Variants in NLRP9 observed in about 807,000 individuals in gnomAD.
NLRP9 encodes the protein NACHT, LRR and PYD domains-containing protein 9.
In NLRP9, 88 loss-of-function variants were observed where a neutral mutation model predicts 83.1. The observed-to-expected ratio is 1.06, with a 90% CI of 0.89 to 1.26. NLRP9 has a LOEUF of 1.26. Among genes scored for constraint, NLRP9 ranks in the 50% most tolerant of loss-of-function variants. The pLI, the probability that NLRP9 is intolerant of heterozygous loss-of-function variation, is 0.00. For missense variants in NLRP9, 1,308 were observed against 1,179.3 expected, an observed-to-expected ratio of 1.11 and a Z score of -1.60; for synonymous variants, 521 against 447.6, an observed-to-expected ratio of 1.16 and a Z score of -2.07.
At chr19:55,725,269 T>C (rs1046772783) in intron 3 of NLRP9, among the ~76,000 whole-genome samples, 5 of 152,214 alleles carry the variant, frequency 3.3e-5, no homozygotes, top group African/African-American at 1.2e-4. Context: ...AAAATTTATG[T>C]ATAAACCATA....
In NLRP9 at chr19:55,738,254, G is replaced by C. The variant is rs758569354; in HGVS notation, c.121C>G (p.Pro41Ala). Reference sequence around the variant, plus strand: ...TTCTTCAGCTCAGCCCAGGGGATTGGCTTGAGTTCAAATTTCTCCAAAGGT... The same window carrying C: ...TTCTTCAGCTCAGCCCAGGGGATTGCCTTGAGTTCAAATTTCTCCAAAGGT... The part of the protein sequence containing the change: ...KQPLEKFELK[P>A]IPWAELKKAS... The change falls in exon 1 of 9, where the codon CCA becomes GCA. Residue 41 changes from proline (P) to alanine (A), a missense_variant. By Grantham distance (27) the Pro-to-Ala change is conservative. Coordinates refer to ENST00000332836, the MANE Select transcript of NLRP9 (RefSeq NM_176820.4). 4 of 1,614,068 alleles carry C rather than the reference G, an allele frequency of 2.5e-6. No homozygotes were observed. Among genetic ancestry groups the C allele is most frequent in the Non-Finnish European group, 3.4e-6 (4 of 1,180,014 alleles).
intron 4 of NLRP9, among the ~76,000 whole-genome samples, chr19:55,723,087 T>C (rs1031361920): frequency 1.8e-4 from 27 of 152,082 alleles, no homozygotes; most frequent in Non-Finnish European, 1.5e-4. Flanking sequence ...ATGGCACATG[T>C]ATACCTATGT....
intron 1 of NLRP9, among the ~76,000 whole-genome samples, chr19:55,737,852 T>G (rs571881540): frequency 2.0e-5 from 3 of 151,110 alleles, no homozygotes; most frequent in Admixed American, 2.0e-4. Context: ...ACGACTCCAC[T>G]TGGGGTGGAA....
chr19:55,709,948 G>A (rs1446330289), intron 8 of NLRP9: 1 of 152,074 alleles, frequency 6.6e-6, no homozygotes, highest in Admixed American at 6.6e-5. Flanking sequence ...CTTCCTTCTT[G>A]CCAGGTGTTC....
intron 2 of NLRP9, 143 bp from the exon 3 acceptor site, chr19:55,730,135 G>T (rs1265402393): frequency 1.5e-6 from 1 of 688,476 alleles, no homozygotes; most frequent in East Asian, 2.7e-5. Flanking sequence ...CCAGGTAAAC[G>T]GAGCCAACAT....
At chr19:55,731,593 G>A (rs868793547) in intron 2 of NLRP9, among the ~76,000 whole-genome samples, 6 of 151,664 alleles carry the variant, frequency 4.0e-5, no homozygotes, top group East Asian at 1.9e-4. Flanking sequence ...GCGTGGTGGC[G>A]GGCACCTGTA....
chr19:55,724,878 C>T (rs1458033701), intron 3 of NLRP9, among the ~76,000 whole-genome samples: 1 of 151,736 alleles, frequency 6.6e-6, no homozygotes, highest in African/African-American at 2.4e-5. Context: ...GGCAACAAGG[C>T]GAAACCCCGT....
At position 55,733,199 on chromosome 19, in the gene NLRP9, T is replaced by C. The variant is rs746847083; in HGVS notation, c.632A>G (p.Glu211Gly). ...CTGGGAAAAAATGTCTTCGATCTTC[T>C]CTGAAGACTCCGGCCAGTCCCTAGA... ...LLSRDWPESS[E>G]KIEDIFSQPE... The change falls in exon 2 of 9, where the codon GAG (glutamate) becomes GGG (glycine). Residue 211 changes from glutamate (E) to glycine (G), a missense_variant. Glu to Gly is a moderately conservative substitution (Grantham distance 98). Transcript: ENST00000332836. 2 of 1,613,544 alleles carry C rather than the reference T, an allele frequency of 1.2e-6. No homozygotes were observed. Among genetic ancestry groups the C allele is most frequent in the Middle Eastern group, 3.3e-4 (2 of 6,058 alleles).
Position 55,732,538 on chromosome 19 carries a change from C to T in NLRP9, c.1293G>A (p.Met431Ile). The T allele has an allele frequency of 6.2e-7, 1 of 1,614,214 alleles. No individual in the cohort carries two copies. Among genetic ancestry groups the T allele is most frequent in the Non-Finnish European group, 8.5e-7 (1 of 1,180,046 alleles). The change falls in exon 2 of 9, where the codon ATG becomes ATA. Residue 431 changes from methionine to isoleucine, a missense_variant. By Grantham distance (10) the Met-to-Ile change is conservative. Coordinates refer to ENST00000332836, the MANE Select transcript of NLRP9 (RefSeq NM_176820.4). ...SESEGVMWVGMRLLQRRGDCF... is the reference protein window; with the variant it reads ...SESEGVMWVGIRLLQRRGDCF... Reference sequence around the variant, plus strand: ...AGTCCCCTCTCCTTTGGAGGAGTCTCATACCCACCCACATCACGCCCTCAG... The same window carrying T: ...AGTCCCCTCTCCTTTGGAGGAGTCTTATACCCACCCACATCACGCCCTCAG...
intron 3 of NLRP9, among the ~76,000 whole-genome samples, chr19:55,729,019 C>T (rs1988482365): frequency 6.9e-6 from 1 of 144,624 alleles, no homozygotes; most frequent in African/African-American, 2.6e-5. Flanking sequence ...TTTATGAATG[C>T]TACCATTATG....
At chr19:55,715,615 C>T (rs756227674) in intron 5 of NLRP9, among the ~76,000 whole-genome samples, 5 of 152,194 alleles carry the variant, frequency 3.3e-5, no homozygotes, top group South Asian at 2.1e-4. Context: ...ACCCAGGAGG[C>T]GGAGGTTGCT....
At position 55,716,801 on chromosome 19, in the gene NLRP9, G is replaced by A; in HGVS notation, c.2257C>T (p.Pro753Ser). The change falls in exon 5 of 9, where the codon CCC (proline) becomes TCC (serine). Residue 753 changes from proline to serine, a missense_variant. Coordinates refer to ENST00000332836, the MANE Select transcript of NLRP9 (RefSeq NM_176820.4). ...KLKHLSLVENPLRDEGMTLLC... is the reference protein window; with the variant it reads ...KLKHLSLVENSLRDEGMTLLC... ...AACGTCATTCCTTCGTCCCTCAAGGGATTTTCTACCAAGGAGAGGTGTTTC... is the reference window on the plus strand; with the variant it reads ...AACGTCATTCCTTCGTCCCTCAAGGAATTTTCTACCAAGGAGAGGTGTTTC... 1 of 1,613,882 alleles carries A rather than the reference G, an allele frequency of 6.2e-7. No individual in the cohort carries two copies. Among genetic ancestry groups the A allele is most frequent in the Non-Finnish European group, 8.5e-7 (1 of 1,179,902 alleles).
chr19:55,717,099 T>C (rs1378315940), intron 4 of NLRP9, among the ~76,000 whole-genome samples: 1 of 150,296 alleles, frequency 6.7e-6, no homozygotes, highest in African/African-American at 2.5e-5. Context: ...AGTGGTGCGA[T>C]CTCGGCTCAC....
chr19:55,728,779 C>G (rs115065746), intron 3 of NLRP9, among the ~76,000 whole-genome samples: 1 of 152,074 alleles, frequency 6.6e-6, no homozygotes, highest in Non-Finnish European at 1.5e-5. Context: ...GCAAGTCTTC[C>G]GTGATGACAT....
rs774325367 is a variant in NLRP9, at chr19:55,733,051, C to T, written c.780G>A (p.Leu260=). 1 of 1,612,618 alleles carries T rather than the reference C, an allele frequency of 6.2e-7. No homozygotes were observed. The highest frequency in any genetic ancestry group is 8.5e-7 in the Non-Finnish European group (1 of 1,179,680). ...RQPMPIILSS[L]LQKKMLPESS... The stretch of plus-strand genomic sequence containing the variant: ...ATTCTGGAAGCATCTTTTTTTGCAA[C>T]AAACTGCTCAGGATAATTGGCATTG... The change falls in exon 2 of 9, where the codon TTG becomes TTA. Residue 260 remains leucine (L), a synonymous_variant. Transcript: ENST00000332836.
At chr19:55,726,959 ATGTTTTTACTAGACAC>A (rs1988420571) in intron 3 of NLRP9, among the ~76,000 whole-genome samples, 1 of 152,258 alleles carries the variant, frequency 6.6e-6, no homozygotes, top group Admixed American at 6.5e-5. Context: ...GAATCTAATG[ATGTTTTTACTAGACAC>A]TGAACTAAAG....
Position 55,708,961 on chromosome 19 carries a change from T to C in NLRP9, c.2927A>G (p.His976Arg), listed in dbSNP as rs1281392636. The C allele has an allele frequency of 6.3e-6, 10 of 1,589,376 alleles. No individual in the cohort carries two copies. The East Asian group carries it at 2.3e-4, about 37-fold the overall frequency. ...GTATTCCTCGTCAATCCAAGGTCCA[T>C]GTGAAATGGTCAGATGGGGAATTTT... is the stretch of plus-strand genomic sequence containing the variant. ...EEKIPHLTISHGPWIDEEYKI... is the reference protein window; with the variant it reads ...EEKIPHLTISRGPWIDEEYKI... The change falls in exon 9 of 9, where the codon CAT (histidine) becomes CGT (arginine). Residue 976 changes from histidine to arginine, a missense_variant. By Grantham distance (29) the His-to-Arg change is conservative. Coordinates refer to ENST00000332836, the MANE Select transcript of NLRP9 (RefSeq NM_176820.4).
At chr19:55,725,690 C>T (rs1441211869) in intron 3 of NLRP9, among the ~76,000 whole-genome samples, 3 of 152,188 alleles carry the variant, frequency 2.0e-5, no homozygotes, top group East Asian at 3.9e-4. Flanking sequence ...CGAGGGTGAG[C>T]AGAGCCTGAC....
In NLRP9 at chr19:55,732,661, G is replaced by A. The variant is rs753771908; in HGVS notation, c.1170C>T (p.Ala390=). Residue 390 remains alanine, a synonymous_variant, in exon 2 of 9, where the codon GCC becomes GCT. Transcript: ENST00000332836. The stretch of plus-strand genomic sequence containing the variant: ...CCAAAGCACACAGGCTTTTTAGTCG[G>A]GCTCTGTTCACCTTAGGTGGAAAAC... ...SQSFPPKVNR[A]RLKSLCALAA... is the part of the protein sequence containing the mutation. 1 of 1,614,110 alleles carries A rather than the reference G, an allele frequency of 6.2e-7. No individual in the cohort carries two copies.
Sources: allele counts gnomAD v4.1 joint callset (sites outside exome capture counted in the v4.1 genomes callset), GRCh38; gene constraint gnomAD v4.1.1; transcripts MANE v1.5; gene names NCBI Gene and HGNC (gene_info 2026-07-23, HGNC 2026-07-21).